Variants in CHM observed in about 807,000 individuals in gnomAD.
The protein encoded by CHM is CHM Rab escort protein.
CHM carries 10 observed loss-of-function variants against 49.0 expected under a neutral mutation model. The ratio of observed to expected loss-of-function variants is 0.20; its 90% CI spans 0.13 to 0.35. The LOEUF is 0.35. Ranked by LOEUF, CHM falls within the 10% of genes least tolerant of loss-of-function variation. CHM has a pLI of 1.00. For synonymous variants in CHM, 184 were observed against 167.5 expected (o/e 1.10, Z -0.76); for missense variants, 455 against 478.4 (o/e 0.95, Z 0.46).
At chrX:85,902,896 G>GA (rs1363056231) in intron 9 of CHM, among the ~76,000 whole-genome samples, 3 of 111,245 alleles carry the variant, frequency 2.7e-5, no homozygotes, top group East Asian at 5.6e-4. Flanking sequence ...TAACTGGGCA[G>GA]AAAAAAGGGG....
chrX:85,896,375 T>C (rs1057124918), intron 11 of CHM, among the ~76,000 whole-genome samples: 4 of 110,681 alleles, frequency 3.6e-5, no homozygotes, highest in African/African-American at 1.3e-4. Flanking sequence ...GGAAGTACAT[T>C]GAAGGACGTG....
At chrX:86,039,510 C>CAAAAA (rs769393073) in intron 1 of CHM, among the ~76,000 whole-genome samples, 4 of 40,189 alleles carry the variant, frequency 1.0e-4, no homozygotes, top group Admixed American at 3.2e-4. Context: ...TGGCCTAGAC[C>CAAAAA]AAAAAAAAAA....
At chrX:86,038,122 C>T (rs905511548) in intron 1 of CHM, among the ~76,000 whole-genome samples, 1 of 111,856 alleles carries the variant, frequency 8.9e-6, no homozygotes, top group Non-Finnish European at 1.9e-5. Context: ...TTGTGTTGGG[C>T]AAACCTCTCT....
chrX:85,938,880 C>T (rs954114855), intron 8 of CHM, among the ~76,000 whole-genome samples: 1 of 110,622 alleles, frequency 9.0e-6, no homozygotes, highest in African/African-American at 3.3e-5. Context: ...TGAAGATGCC[C>T]AAATACAAAA....
chrX:86,014,418 GA>G (rs1438574794), intron 2 of CHM, among the ~76,000 whole-genome samples: 1 of 112,445 alleles, frequency 8.9e-6, no homozygotes, highest in African/African-American at 3.2e-5. Context: ...TTACCAGAAG[GA>G]AAAGAGAATT....
intron 2 of CHM, among the ~76,000 whole-genome samples, chrX:85,998,659 T>C (rs1026721967): frequency 3.6e-5 from 4 of 111,702 alleles, no homozygotes; most frequent in African/African-American, 1.3e-4. Context: ...ATCACATGGC[T>C]GCCTGGAAGC....
chrX:86,030,653 A>C (rs1934002752), intron 1 of CHM, among the ~76,000 whole-genome samples: 1 of 111,282 alleles, frequency 9.0e-6, no homozygotes, highest in South Asian at 3.8e-4. Flanking sequence ...AAACTGTGAT[A>C]GAAACACAAT....
intron 2 of CHM, among the ~76,000 whole-genome samples, chrX:86,017,282 G>A (rs1933341781): frequency 9.0e-6 from 1 of 111,728 alleles, no homozygotes; most frequent in African/African-American, 3.3e-5. Context: ...GGGAAGGCAT[G>A]ACTGCTTTTG....
intron 11 of CHM, among the ~76,000 whole-genome samples, chrX:85,898,855 C>T (rs1926075054): frequency 8.9e-6 from 1 of 112,434 alleles, no homozygotes; most frequent in Non-Finnish European, 1.9e-5. Flanking sequence ...TCATAGTGAC[C>T]ACTATCTCCT....
intron 9 of CHM, among the ~76,000 whole-genome samples, chrX:85,904,604 A>G (rs764412679): frequency 8.9e-6 from 1 of 112,204 alleles, no homozygotes; most frequent in African/African-American, 3.2e-5. Flanking sequence ...TACTAAGGAA[A>G]TTAGAAGATT....
At chrX:85,900,767 T>C (rs556325830) in intron 10 of CHM, 58 bp from the exon 11 acceptor site, 15 of 856,195 alleles carry the variant, frequency 1.8e-5, no homozygotes, top group South Asian at 4.2e-5. Flanking sequence ...GTTTCGTTTA[T>C]AGTTATATAA....
intron 8 of CHM, among the ~76,000 whole-genome samples, chrX:85,917,826 T>C (rs1927546936): frequency 9.1e-6 from 1 of 109,593 alleles, no homozygotes; most frequent in South Asian, 3.9e-4. Context: ...ACCTCAGAAT[T>C]TGAGGAGTGA....
At chrX:85,989,253 A>G (rs1487636433) in intron 2 of CHM, among the ~76,000 whole-genome samples, 1 of 111,373 alleles carries the variant, frequency 9.0e-6, no homozygotes. Flanking sequence ...TGGGGAAAAG[A>G]CTCCCTATTC....
intron 3 of CHM, among the ~76,000 whole-genome samples, chrX:85,981,273 G>C (rs1233711738): frequency 2.9e-5 from 2 of 68,361 alleles, no homozygotes; most frequent in African/African-American, 1.2e-4. Context: ...TCACTCTGTT[G>C]CCCAGGCTGG....
In CHM at chrX:85,972,461, G is replaced by A. The variant is rs745874961; in HGVS notation, c.314+6306C>T. Among the ~76,000 whole-genome samples the A allele has an allele frequency of 1.1e-4, 12 of 113,236 alleles. No homozygotes were observed. The South Asian group carries it at 4.2e-3, about 40-fold the overall frequency. Reference sequence around the variant, plus strand: ...TGCACAGGAACCCACGGTGGCGGGGGAAGGCTCAGGCATGGCGGGCTGCAG... The same window carrying A: ...TGCACAGGAACCCACGGTGGCGGGGAAAGGCTCAGGCATGGCGGGCTGCAG... On this transcript the variant is annotated intron_variant, in intron 4 of 14. Transcript: ENST00000357749.
intron 4 of CHM, among the ~76,000 whole-genome samples, chrX:85,971,918 G>C (rs1013911842): frequency 1.8e-5 from 2 of 110,206 alleles, no homozygotes; most frequent in African/African-American, 6.6e-5. Context: ...CACAAACCTT[G>C]AGCGAAACAC....
chrX:85,967,110 T>C (rs1930622671), intron 4 of CHM, among the ~76,000 whole-genome samples: 1 of 111,379 alleles, frequency 9.0e-6, no homozygotes, highest in Non-Finnish European at 1.9e-5. Flanking sequence ...ACAACCACAG[T>C]ATTTTTGGAG....
Position 85,955,659 on chromosome X carries a change from G to C in CHM, c.1166+494C>G, listed in dbSNP as rs1468580440. Among the ~76,000 whole-genome samples, 3 of 112,155 alleles carry C rather than the reference G, an allele frequency of 2.7e-5. No individual in the cohort carries two copies. The East Asian group carries it at 8.4e-4, about 31-fold the overall frequency. The stretch of plus-strand genomic sequence containing the variant: ...GGTACAGCCCTCTAGAGAAATAACT[G>C]AACACGATGTTGTAAAGTGTTAACA... On this transcript the variant is annotated intron_variant, in intron 8 of 14. Coordinates refer to ENST00000357749, the MANE Select transcript of CHM (RefSeq NM_000390.4).
rs180928571 is a variant in CHM at position 85,872,205 on chromosome X, G to A, written c.1770+847C>T. On this transcript the variant is annotated intron_variant, in intron 14 of 14. Transcript: ENST00000357749. ...CTACTATAAGATCCTTGCCACTGGC[G>A]GGAATGAAAGTTCCATCTGTGGTCT... Among the ~76,000 whole-genome samples, 70 of 111,942 alleles carry A rather than the reference G, an allele frequency of 6.3e-4. 2 individuals are homozygous for A. In the East Asian group the frequency reaches 0.018, roughly 29 times the overall value.
Sources: gnomAD v4.1 joint callset for allele counts (sites outside exome capture counted in the v4.1 genomes callset) on GRCh38, gnomAD v4.1.1 for gene constraint, MANE v1.5 for transcripts, NCBI Gene and HGNC (gene_info 2026-07-23, HGNC 2026-07-21) for gene names.